Variants in NLRP1 observed in about 807,000 individuals in gnomAD.
The protein encoded by NLRP1 is NLR family pyrin domain containing 1, also known as NACHT, LRR and PYD domains-containing protein 1.
In NLRP1, 94 loss-of-function variants were observed where a neutral mutation model predicts 136.7. That is an observed-to-expected ratio of 0.69 (90% CI 0.58 to 0.82). NLRP1 has a LOEUF of 0.82. Among genes scored for constraint, NLRP1 ranks in the 40% least tolerant of loss-of-function variants. NLRP1 has a pLI of 0.00. For synonymous variants in NLRP1, 690 were observed against 725.1 expected (o/e 0.95, Z 0.78); for missense variants, 1,575 against 1,802.7 (o/e 0.87, Z 2.29).
chr17:5,582,187 T>C (rs975331211), intron 2 of NLRP1, 125 bp from the exon 3 acceptor site: 1 of 842,256 alleles, frequency 1.2e-6, no homozygotes, highest in Non-Finnish European at 1.8e-6. Context: ...GAAAACCATG[T>C]TGAAGTAGAG....
chr17:5,512,422 G>A (rs1031310860), downstream of NLRP1: 3 of 898,904 alleles, frequency 3.3e-6, no homozygotes, highest in African/African-American at 3.2e-5. Flanking sequence ...TTCAAGGGCG[G>A]CAGGGCAATC....
intron 15 of NLRP1, 139 bp from the exon 16 acceptor site, chr17:5,515,656 A>C: frequency 1.4e-6 from 1 of 719,656 alleles, no homozygotes; most frequent in African/African-American, 1.7e-5. Context: ...TAGAATCTGG[A>C]GTAAGAGCTG....
chr17:5,548,444 C>G (rs1912945335), intron 5 of NLRP1, among the ~76,000 whole-genome samples: 1 of 152,170 alleles, frequency 6.6e-6, no homozygotes, highest in Non-Finnish European at 1.5e-5. Flanking sequence ...CTTCTTGTGT[C>G]TTTTATCACT....
Position 5,583,420 on chromosome 17 carries a change from G to C in NLRP1, c.271+267C>G, listed in dbSNP as rs925730208. Among the ~76,000 whole-genome samples the C allele has an allele frequency of 1.3e-5, 2 of 152,194 alleles. No individual in the cohort carries two copies. Among genetic ancestry groups the C allele is most frequent in the African/African-American group, 4.8e-5 (2 of 41,432 alleles). ...GATAGTGCCTGACTCCCAAGTCCGTGCTCATAACTACAATGCCAGGCGAGT... is the reference window on the plus strand; with the variant it reads ...GATAGTGCCTGACTCCCAAGTCCGTCCTCATAACTACAATGCCAGGCGAGT... On this transcript the variant is annotated intron_variant, in intron 1 of 16. Coordinates refer to ENST00000572272, the MANE Select transcript of NLRP1 (RefSeq NM_033004.4). This position sits in a 1 kb window ranked among gnomAD's most constrained non-coding sequence, Gnocchi z 4.5.
rs1168850325 is a variant in NLRP1, at chr17:5,558,277, C to A, written c.2357+62G>T. The A allele has an allele frequency of 2.1e-5, 32 of 1,523,622 alleles. No homozygotes were observed. The East Asian group carries it at 7.0e-4, about 33-fold the overall frequency. 94.4% of individuals were successfully genotyped at this position (1,523,622 alleles called of 1,614,324 possible). ...GCTCAGTGAGCATGCCTCTGGTGCT[C>A]AGGTCACTCGGGCTTATGGACTGAC... is the stretch of plus-strand genomic sequence containing the variant. On this transcript the variant is annotated intron_variant, in intron 4 of 16. Transcript: ENST00000572272.
chr17:5,558,419 T>A lies in NLRP1; in HGVS notation c.2277A>T (p.Lys759Asn). The stretch of plus-strand genomic sequence containing the variant: ...GAAGCTTCTTCACGTGGCGGCTGAA[T>A]TTAATGCAGAAAGTGCACACTAAGA... ...MELLVCTFCI[K>N]FSRHVKKLQL... Residue 759 changes from lysine to asparagine, a missense_variant, in exon 4 of 17, where the codon AAA becomes AAT. Coordinates refer to ENST00000572272, the MANE Select transcript of NLRP1 (RefSeq NM_033004.4). The A allele has an allele frequency of 1.2e-6, 2 of 1,614,178 alleles. No individual in the cohort carries two copies. The highest frequency in any genetic ancestry group is 8.5e-7 in the Non-Finnish European group (1 of 1,180,036).
At chr17:5,546,538 G>A (rs971358025) in intron 5 of NLRP1, among the ~76,000 whole-genome samples, 2 of 152,044 alleles carry the variant, frequency 1.3e-5, no homozygotes, top group African/African-American at 4.8e-5. Context: ...TTTCTCCTTT[G>A]TCTGCGTAAT....
At position 5,537,618 on chromosome 17, in the gene NLRP1, G is replaced by A. The variant is rs1489368649; in HGVS notation, c.2871-678C>T. Among the ~76,000 whole-genome samples the A allele has an allele frequency of 6.6e-6, 1 of 152,210 alleles. No individual in the cohort carries two copies. Among genetic ancestry groups the A allele is most frequent in the Non-Finnish European group, 1.5e-5 (1 of 68,036 alleles). The stretch of plus-strand genomic sequence containing the variant: ...GACAAGGAGGCGGTGAAAAGACCCT[G>A]TCTTCTGCGAAGGGCTCTGCATTCA... On this transcript the variant is annotated intron_variant, in intron 7 of 16. Coordinates refer to ENST00000572272, the MANE Select transcript of NLRP1 (RefSeq NM_033004.4). The surrounding 1 kb of genome is among the most constrained non-coding windows in gnomAD (Gnocchi z 4.5).
intron 3 of NLRP1, among the ~76,000 whole-genome samples, chr17:5,569,401 T>C (rs901717193): frequency 7.9e-5 from 12 of 152,094 alleles, no homozygotes; most frequent in Admixed American, 7.9e-4. Context: ...ATGACATTCA[T>C]AGGCTCAAAG....
intron 8 of NLRP1, 32 bp from the exon 9 acceptor site, chr17:5,534,020 T>A (rs549580965): frequency 1.3e-6 from 2 of 1,493,872 alleles, no homozygotes; most frequent in East Asian, 2.3e-5. Context: ...CTGCCTAAGA[T>A]CTTGGAGGAA....
intron 5 of NLRP1, among the ~76,000 whole-genome samples, chr17:5,552,353 G>C (rs932430301): frequency 2.6e-5 from 4 of 152,060 alleles, no homozygotes; most frequent in Admixed American, 6.6e-5. Context: ...CATGGTCAGA[G>C]AATATACTTT....
chr17:5,512,183 C>T, downstream of NLRP1: 1 of 1,168,504 alleles, frequency 8.6e-7, no homozygotes, highest in Non-Finnish European at 1.3e-6. Context: ...TCAGGGCAAT[C>T]TTTCTTTAAA....
intron 3 of NLRP1, among the ~76,000 whole-genome samples, chr17:5,578,059 G>A (rs550152695): frequency 1.1e-3 from 160 of 152,356 alleles, no homozygotes; most frequent in African/African-American, 3.5e-3. Context: ...TTAGCCATAT[G>A]TAGAAAGCTG....
chr17:5,507,390 G>A (rs1247581782), intron 15 of NLRP1, among the ~76,000 whole-genome samples: 1 of 152,120 alleles, frequency 6.6e-6, no homozygotes, highest in East Asian at 1.9e-4. Flanking sequence ...ACAAAAACCA[G>A]CCATTAAAGA....
intron 15 of NLRP1, chr17:5,503,931 C>G (rs1230344738): frequency 6.6e-6 from 1 of 152,240 alleles, no homozygotes; most frequent in South Asian, 2.1e-4. Flanking sequence ...GAGGCCTCTT[C>G]TAGGGGGATC....
At chr17:5,512,516 C>T, downstream of NLRP1, 1 of 626,928 alleles carries the variant, frequency 1.6e-6, no homozygotes, top group Middle Eastern at 4.0e-4. Context: ...CTTCTTACTT[C>T]CCATTGACTG....
At chr17:5,518,118 C>T in intron 14 of NLRP1, 2 of 472,428 alleles carry the variant, frequency 4.2e-6, no homozygotes, top group Non-Finnish European at 7.6e-6. Flanking sequence ...ACGTAGTGCT[C>T]ATAATCCTAA....
At chr17:5,538,838 ACT>A (rs771986932) in intron 7 of NLRP1, among the ~76,000 whole-genome samples, 12 of 151,964 alleles carry the variant, frequency 7.9e-5, no homozygotes, top group Non-Finnish European at 1.5e-4. Context: ...ATCATGCCCG[ACT>A]CTCTTCCCAG....
intron 4 of NLRP1, among the ~76,000 whole-genome samples, chr17:5,557,855 A>G (rs114576230): frequency 0.011 from 1,734 of 151,854 alleles, 35 homozygotes; most frequent in African/African-American, 0.039. Flanking sequence ...AAAATAGGAA[A>G]CTCTTTTTGA....
Sources: allele counts gnomAD v4.1 joint callset (sites outside exome capture counted in the v4.1 genomes callset), GRCh38; gene constraint gnomAD v4.1.1; non-coding constraint Gnocchi (gnomAD v3.1); transcripts MANE v1.5; gene names NCBI Gene and HGNC (gene_info 2026-07-23, HGNC 2026-07-21).